The following STRN3 variants were observed in gnomAD, a reference collection of about 807,000 sequenced individuals.
STRN3 encodes the protein striatin 3.
A neutral mutation model predicts 95.6 loss-of-function variants in STRN3; 29 were observed. That is an observed-to-expected ratio of 0.30 (90% CI 0.23 to 0.41). The LOEUF is 0.41. Ranked by LOEUF, STRN3 falls within the 10% of genes least tolerant of loss-of-function variation. The probability of loss-of-function intolerance (pLI) is 1.00; values close to 1 mark genes in which losing one functional copy is unlikely to be tolerated. For synonymous variants in STRN3, 331 were observed against 357.6 expected, an observed-to-expected ratio of 0.93 and a Z score of 0.84; for missense variants, 890 against 972.1, an observed-to-expected ratio of 0.92 and a Z score of 1.12.
At position 30,963,181 on chromosome 14, in the gene STRN3, C is replaced by T. The variant is rs114344113; in HGVS notation, c.283-6939G>A. On this transcript the variant is annotated intron_variant, in intron 1 of 17. Coordinates refer to ENST00000357479, the MANE Select transcript of STRN3 (RefSeq NM_001083893.2). ...ATGAAGCAAAACTGACAGAACAGAA[C>T]GGAGAACAGACAACAGTAGTTGGAG... 3.1e-3 allele frequency among the ~76,000 whole-genome samples: 468 copies of T among 152,190 alleles called. 1 individual carries two copies. The highest frequency in any genetic ancestry group is 0.011 in the African/African-American group (437 of 41,514).
At position 30,895,256 on chromosome 14, in the gene STRN3, CATTAAGATGTG is replaced by C; in HGVS notation, c.*144_*154del. The C allele has an allele frequency of 1.3e-5, 10 of 746,596 alleles. 1 individual carries two copies. The South Asian group carries it at 2.2e-4, about 17-fold the overall frequency. The allele number at this position is 746,596 out of a possible 1,614,324, so 46.2% of individuals were successfully genotyped here. On this transcript the variant is annotated 3_prime_UTR_variant, in exon 18 of 18. Coordinates refer to ENST00000357479, the MANE Select transcript of STRN3 (RefSeq NM_001083893.2). ...ATTACAGTTAACTTAATGAGCTTGACATTAAGATGTGATTTCCACCAATTTGTGCCTGCCCC... is the reference window on the plus strand; with the variant it reads ...ATTACAGTTAACTTAATGAGCTTGACATTTCCACCAATTTGTGCCTGCCCC...
chr14:30,934,532 A>C (rs969988418), intron 7 of STRN3, among the ~76,000 whole-genome samples: 10 of 152,172 alleles, frequency 6.6e-5, no homozygotes, highest in Admixed American at 5.9e-4. Context: ...CCATGTACAG[A>C]TAGAGAATGG....
At chr14:30,959,448 A>C (rs937813866) in intron 1 of STRN3, among the ~76,000 whole-genome samples, 2 of 152,232 alleles carry the variant, frequency 1.3e-5, no homozygotes, top group African/African-American at 2.4e-5. Context: ...TTATGACCTC[A>C]TATCATCACG....
chr14:30,977,992 A>G (rs1487169152), intron 1 of STRN3, among the ~76,000 whole-genome samples: 4 of 152,224 alleles, frequency 2.6e-5, no homozygotes, highest in African/African-American at 9.6e-5. Flanking sequence ...GGATCCATAT[A>G]TACTAAAGAA....
rs1403374406 is a variant in STRN3 at position 31,026,006 on chromosome 14, C to G, written c.180G>C (p.Pro60=). 6.4e-7 allele frequency: 1 copy of G among 1,552,862 alleles called. No individual in the cohort carries two copies. Among genetic ancestry groups the G allele is most frequent in the Non-Finnish European group, 8.7e-7 (1 of 1,148,942 alleles). The change falls in exon 1 of 18, where the codon CCG becomes CCC. Residue 60 remains proline (P), a synonymous_variant. Transcript: ENST00000357479. ...GTATCCCCGGGATAGTGTACTGCTG[C>G]GGCCGGGACAGCTCGGGGCCTGCCG... The part of the protein sequence containing the change: ...GPAAGPELSR[P]QQYTIPGILH...
At chr14:30,959,262 C>G (rs555477096) in intron 1 of STRN3, among the ~76,000 whole-genome samples, 42 of 152,212 alleles carry the variant, frequency 2.8e-4, no homozygotes, top group African/African-American at 1.0e-3. Context: ...GGGGTCGAGG[C>G]TGCAGTGAGC....
chr14:30,911,907 A>AT lies in STRN3; in HGVS notation c.1551-84dup, dbSNP rs1478631875. ...CTGGTTGATATTAAATAGTCATTAG[A>AT]TCAAATGTGTGCATTAAAGACATGC... On this transcript the variant is annotated intron_variant, in intron 11 of 17. Coordinates refer to ENST00000357479, the MANE Select transcript of STRN3 (RefSeq NM_001083893.2). The AT allele has an allele frequency of 1.3e-5, 20 of 1,560,778 alleles. No individual in the cohort carries two copies. The African/African-American group carries it at 2.5e-4, about 19-fold the overall frequency.
chr14:30,933,390 A>G (rs151294319), intron 7 of STRN3, among the ~76,000 whole-genome samples: 1 of 151,620 alleles, frequency 6.6e-6, no homozygotes, highest in African/African-American at 2.4e-5. Flanking sequence ...ATAAGTAAAT[A>G]TATATACATA....
chr14:30,935,674 T>C (rs1315476143), intron 6 of STRN3, among the ~76,000 whole-genome samples: 8 of 152,216 alleles, frequency 5.3e-5, no homozygotes, highest in African/African-American at 1.7e-4. Context: ...CCTTCACTCA[T>C]AGAGATATGG....
At chr14:30,961,911 C>T (rs1280766450) in intron 1 of STRN3, among the ~76,000 whole-genome samples, 2 of 152,176 alleles carry the variant, frequency 1.3e-5, no homozygotes, top group Non-Finnish European at 2.9e-5. Flanking sequence ...CTGGTTCTAT[C>T]GTTATTTTAG....
chr14:30,910,823 GT>G (rs539169223), intron 13 of STRN3, among the ~76,000 whole-genome samples: 153 of 151,950 alleles, frequency 1.0e-3, no homozygotes, highest in African/African-American at 3.5e-3. Context: ...AATTAATATA[GT>G]TTTTTAAACA....
chr14:31,002,425 C>T (rs373288443), intron 1 of STRN3, among the ~76,000 whole-genome samples: 2 of 143,416 alleles, frequency 1.4e-5, no homozygotes, highest in East Asian at 2.1e-4. Flanking sequence ...GAGTCAAGAT[C>T]GCGCCACTGC....
intron 1 of STRN3, among the ~76,000 whole-genome samples, chr14:30,962,483 C>G (rs1036647906): frequency 6.6e-6 from 1 of 152,130 alleles, no homozygotes; most frequent in African/African-American, 2.4e-5. Flanking sequence ...GAGCAATTTC[C>G]AATCCTAAAA....
chr14:30,965,742 T>A (rs1473234492), intron 1 of STRN3, among the ~76,000 whole-genome samples: 3 of 113,302 alleles, frequency 2.6e-5, no homozygotes, highest in African/African-American at 1.1e-4. Flanking sequence ...TGTACCAGCC[T>A]GGGTGACAAA....
In STRN3 at chr14:30,968,952, A is replaced by T. The variant is rs117045204; in HGVS notation, c.283-12710T>A. On this transcript the variant is annotated intron_variant, in intron 1 of 17. Coordinates refer to ENST00000357479, the MANE Select transcript of STRN3 (RefSeq NM_001083893.2). Reference sequence around the variant, plus strand: ...TTACCTACATTAAAAGGTTAAAAAAAATATATATTTTGTTTCAAAGGTTTA... The same window carrying T: ...TTACCTACATTAAAAGGTTAAAAAATATATATATTTTGTTTCAAAGGTTTA... Among the ~76,000 whole-genome samples, 1,046 of 152,286 alleles carry T rather than the reference A, an allele frequency of 6.9e-3. 9 individuals are homozygous for T. The highest frequency in any genetic ancestry group is 0.01 in the East Asian group (54 of 5,190).
intron 9 of STRN3, among the ~76,000 whole-genome samples, chr14:30,918,069 T>C (rs1425318721): frequency 1.3e-5 from 2 of 152,228 alleles, no homozygotes; most frequent in African/African-American, 2.4e-5. Flanking sequence ...TTTCATTTCC[T>C]ACACATTTCT....
At chr14:30,929,970 A>AAAAAAAAAAAC in intron 7 of STRN3, among the ~76,000 whole-genome samples, 1 of 139,290 alleles carries the variant, frequency 7.2e-6, no homozygotes, top group African/African-American at 2.7e-5. Flanking sequence ...AAAAAAAAAA[A>AAAAAAAAAAAC]AAAAAAAAAC....
At chr14:31,013,467 A>G (rs943482612) in intron 1 of STRN3, among the ~76,000 whole-genome samples, 1 of 152,180 alleles carries the variant, frequency 6.6e-6, no homozygotes, top group South Asian at 2.1e-4. Context: ...TCATCTACCT[A>G]CATAAAAAAC....
At chr14:31,025,468 A>G (rs1205942461) in intron 1 of STRN3, 1 of 164,482 alleles carries the variant, frequency 6.1e-6, no homozygotes, top group African/African-American at 2.6e-5. Flanking sequence ...GGTGGTCCGG[A>G]AAAGGGGGGT....
Sources: allele counts gnomAD v4.1 joint callset (sites outside exome capture counted in the v4.1 genomes callset), GRCh38; gene constraint gnomAD v4.1.1; transcripts MANE v1.5; gene names NCBI Gene and HGNC (gene_info 2026-07-23, HGNC 2026-07-21).